DCAF8L2: variants seen among roughly 807,000 people sequenced by gnomAD.
The protein encoded by DCAF8L2 is DDB1 and CUL4 associated factor 8 like 2.
For synonymous variants in DCAF8L2, 200 were observed against 190.9 expected (o/e 1.05, Z -0.39); for missense variants, 430 against 490.7 (o/e 0.88, Z 1.17).
chrX:27,674,380 G>A (rs896514504), intron 2 of DCAF8L2, among the ~76,000 whole-genome samples: 10 of 111,082 alleles, frequency 9.0e-5, no homozygotes, highest in African/African-American at 3.3e-4. Flanking sequence ...TATTAATTAT[G>A]TGGGCTTTTT....
At chrX:27,502,335 AATATATATATATATATATATATATATAT>A in the DCAF8L2 span, among the ~76,000 whole-genome samples, 9 of 12,718 alleles carry the variant, frequency 7.1e-4, no homozygotes, top group Non-Finnish European at 1.4e-3. Flanking sequence ...AAAAAAAAAA[AATATATATATATATATATATATATATAT>A]ATATATATAT....
chrX:27,517,706 C>T, the DCAF8L2 span: 1 of 927,479 alleles, frequency 1.1e-6, no homozygotes, highest in Non-Finnish European at 1.6e-6. Context: ...TCCGCAAAGG[C>T]CTGCTTTTCT....
intron 2 of DCAF8L2, among the ~76,000 whole-genome samples, chrX:27,654,810 AT>A (rs2147204827): frequency 9.0e-6 from 1 of 111,612 alleles, no homozygotes; most frequent in Admixed American, 9.6e-5. Context: ...TTATACTTTG[AT>A]TTTTCTTCAT....
chrX:27,726,785 T>C (rs1248087477), intron 4 of DCAF8L2, among the ~76,000 whole-genome samples: 4 of 112,286 alleles, frequency 3.6e-5, no homozygotes, highest in Admixed American at 2.8e-4. Flanking sequence ...TCCTTGTATG[T>C]ACAGACAACT....
the DCAF8L2 span, among the ~76,000 whole-genome samples, chrX:27,528,077 A>AATTATTAGATTAATTTTTAATTT: frequency 6.4e-5 from 4 of 62,237 alleles, no homozygotes; most frequent in African/African-American, 1.8e-4. Flanking sequence ...TAATTTAATT[A>AATTATTAGATTAATTTTTAATTT]AATTAATTAT....
the DCAF8L2 span, among the ~76,000 whole-genome samples, chrX:27,533,317 G>C: frequency 9.2e-5 from 10 of 109,288 alleles, no homozygotes; most frequent in Admixed American, 4.9e-4. Flanking sequence ...GGGGCAGGAG[G>C]ATCACTTGAA....
the DCAF8L2 span, among the ~76,000 whole-genome samples, chrX:27,563,714 T>C: frequency 8.9e-6 from 1 of 112,442 alleles, no homozygotes. Flanking sequence ...CTACCTTAAA[T>C]GGCAGATACA....
rs780760774 is a variant in DCAF8L2 at position 27,682,641 on chromosome X, A to G, written c.-143+4729A>G. Among the ~76,000 whole-genome samples the G allele has an allele frequency of 2.5e-3, 278 of 111,052 alleles. 9 individuals are homozygous for G. The highest frequency in any genetic ancestry group is 0.014 in the Middle Eastern group (3 of 212). On this transcript the variant is annotated intron_variant, in intron 3 of 4. Coordinates refer to ENST00000451261, the MANE Select transcript of DCAF8L2 (RefSeq NM_001353450.2). ...TTAATAGAGATTAAATTTCCATATG[A>G]CAAAAGATTATGGGTCATTGTGATT...
the DCAF8L2 span, among the ~76,000 whole-genome samples, chrX:27,517,410 G>A: frequency 9.2e-6 from 1 of 108,854 alleles, no homozygotes; most frequent in Non-Finnish European, 1.9e-5. Flanking sequence ...CCATTAAAAT[G>A]TTCACCATTA....
the DCAF8L2 span, among the ~76,000 whole-genome samples, chrX:27,509,427 G>C: frequency 8.9e-6 from 1 of 112,087 alleles, no homozygotes; most frequent in Admixed American, 9.5e-5. Flanking sequence ...AGCTATTGTT[G>C]TAAATCTGAG....
chrX:27,744,500 A>C lies in DCAF8L2; in HGVS notation c.-58-2338A>C, dbSNP rs1027496606. Among the ~76,000 whole-genome samples, 5 of 112,088 alleles carry C rather than the reference A, an allele frequency of 4.5e-5. No homozygotes were observed. The East Asian group carries it at 1.4e-3, about 31-fold the overall frequency. ...AAAATTCCTATAAGAAACACTGCTT[A>C]AAACAAATATCATGCTGAGGGGTGA... On this transcript the variant is annotated intron_variant, in intron 4 of 4. Coordinates refer to ENST00000451261, the MANE Select transcript of DCAF8L2 (RefSeq NM_001353450.2).
chrX:27,515,195 G>A, the DCAF8L2 span, among the ~76,000 whole-genome samples: 15 of 111,436 alleles, frequency 1.3e-4, no homozygotes, highest in African/African-American at 4.6e-4. Flanking sequence ...TCACTTTATT[G>A]TTAACCAATG....
chrX:27,491,979 G>T, the DCAF8L2 span, among the ~76,000 whole-genome samples: 2 of 112,027 alleles, frequency 1.8e-5, no homozygotes, highest in African/African-American at 6.5e-5. Flanking sequence ...TATTTCTGTA[G>T]TATGCAGAGT....
the DCAF8L2 span, among the ~76,000 whole-genome samples, chrX:27,505,683 T>C: frequency 2.7e-5 from 3 of 111,482 alleles, no homozygotes; most frequent in Non-Finnish European, 5.7e-5. Context: ...GAACAGAATA[T>C]GACAAAAGTG....
At chrX:27,692,884 C>G (rs962736413) in intron 3 of DCAF8L2, among the ~76,000 whole-genome samples, 3 of 110,711 alleles carry the variant, frequency 2.7e-5, no homozygotes, top group African/African-American at 9.9e-5. Flanking sequence ...TGGATAGTCC[C>G]CCATCAGCAG....
intron 2 of DCAF8L2, among the ~76,000 whole-genome samples, chrX:27,654,154 T>G (rs751826734): frequency 9.0e-6 from 1 of 111,198 alleles, no homozygotes; most frequent in Non-Finnish European, 1.9e-5. Context: ...CTGGCATGAT[T>G]AAGTAGGGGA....
chrX:27,703,723 T>G (rs1433271960), intron 3 of DCAF8L2, among the ~76,000 whole-genome samples: 8 of 109,285 alleles, frequency 7.3e-5, no homozygotes, highest in Admixed American at 5.8e-4. Context: ...TGAAAATAAT[T>G]CAAAATGCAT....
the DCAF8L2 span, among the ~76,000 whole-genome samples, chrX:27,514,268 TGTGC>T: frequency 4.4e-4 from 16 of 36,766 alleles, 1 homozygote; most frequent in African/African-American, 6.6e-4. Context: ...TGTGTGCATA[TGTGC>T]ACATATGTAC....
chrX:27,561,197 G>A, the DCAF8L2 span, among the ~76,000 whole-genome samples: 1 of 111,763 alleles, frequency 8.9e-6, no homozygotes, highest in African/African-American at 3.3e-5. Flanking sequence ...TTTCGAGTTT[G>A]TGTGTCTTTC....
Sources: allele counts gnomAD v4.1 joint callset (sites outside exome capture counted in the v4.1 genomes callset), GRCh38; gene constraint gnomAD v4.1.1; transcripts MANE v1.5; gene names NCBI Gene and HGNC (gene_info 2026-07-23, HGNC 2026-07-21).